NDST4: variants seen among roughly 807,000 people sequenced by gnomAD.
NDST4 encodes the protein N-deacetylase and N-sulfotransferase 4.
A neutral mutation model predicts 100.8 loss-of-function variants in NDST4; 63 were observed. The ratio of observed to expected loss-of-function variants is 0.62; its 90% CI spans 0.51 to 0.77. The LOEUF is 0.77. Ranked by LOEUF, NDST4 falls within the 30% of genes least tolerant of loss-of-function variation. NDST4 has a pLI of 0.00. For synonymous variants in NDST4, 377 were observed against 361.8 expected (o/e 1.04, Z -0.48); for missense variants, 943 against 1,018.4 (o/e 0.93, Z 1.01).
In NDST4 at chr4:114,986,832, A is replaced by ATATATTTT; in HGVS notation, c.979-9559_979-9558insAAAATATA. ...TATATATATATATATATATATATAT[A>ATATATTTT]TTTTAATATACTATTCCTATAAGCT... On this transcript the variant is annotated intron_variant, in intron 2 of 13. Coordinates refer to ENST00000264363, the MANE Select transcript of NDST4 (RefSeq NM_022569.3). Among the ~76,000 whole-genome samples, 134 of 94,628 alleles carry ATATATTTT rather than the reference A, an allele frequency of 1.4e-3. 1 individual carries two copies. The highest frequency in any genetic ancestry group is 3.9e-3 in the South Asian group (9 of 2,336). The allele number at this position is 94,628 out of a possible 152,430, so 62.1% of individuals were successfully genotyped here. A position where few individuals can be genotyped will look rare whatever the true frequency, so the allele number is the denominator to read the frequency against.
rs147782555 is a variant in NDST4, at chr4:115,057,694, G to A, written c.978+18365C>T. 3.1e-4 allele frequency among the ~76,000 whole-genome samples: 46 copies of A among 146,310 alleles called. No individual in the cohort carries two copies. In the East Asian group the frequency reaches 7.6e-3, roughly 24 times the overall value. On this transcript the variant is annotated intron_variant, in intron 2 of 13. Coordinates refer to ENST00000264363, the MANE Select transcript of NDST4 (RefSeq NM_022569.3). ...ATAGAAATTTTCCACTTAGCTATGC[G>A]TGCGCACGCACACACACACACACAC... is the stretch of plus-strand genomic sequence containing the variant.
chr4:115,000,706 G>T (rs1400793285), intron 2 of NDST4, among the ~76,000 whole-genome samples: 1 of 152,032 alleles, frequency 6.6e-6, no homozygotes, highest in African/African-American at 2.4e-5. Flanking sequence ...AAACCTTTCT[G>T]TCCTTCAAGA....
chr4:115,050,012 CCTTT>C (rs1474919468), intron 2 of NDST4, among the ~76,000 whole-genome samples: 9 of 152,036 alleles, frequency 5.9e-5, no homozygotes, highest in African/African-American at 2.2e-4. Flanking sequence ...CAAAACCAGA[CCTTT>C]CTGATTATCA....
At chr4:114,900,393 A>C (rs1410895580) in intron 6 of NDST4, among the ~76,000 whole-genome samples, 1 of 151,730 alleles carries the variant, frequency 6.6e-6, no homozygotes, top group African/African-American at 2.4e-5. Flanking sequence ...TTAAGGTAGA[A>C]GCTTAGATTG....
chr4:114,922,300 A>C (rs1204223722), intron 6 of NDST4, among the ~76,000 whole-genome samples: 5 of 152,152 alleles, frequency 3.3e-5, no homozygotes, highest in Non-Finnish European at 7.3e-5. Context: ...CTCTAGAAAC[A>C]CTTGACTGGT....
chr4:115,106,621 G>GA (rs1220348473), intron 1 of NDST4, among the ~76,000 whole-genome samples: 3 of 151,994 alleles, frequency 2.0e-5, no homozygotes, highest in African/African-American at 4.8e-5. Flanking sequence ...GTAATGACAG[G>GA]AAAAAATGCC....
intron 6 of NDST4, among the ~76,000 whole-genome samples, chr4:114,911,650 ACTT>A (rs2126215062): frequency 6.6e-6 from 1 of 152,298 alleles, no homozygotes; most frequent in South Asian, 2.1e-4. Context: ...TTTCTTAAGT[ACTT>A]GTTACTCTTC....
intron 6 of NDST4, among the ~76,000 whole-genome samples, chr4:114,891,319 C>T (rs761208196): frequency 2.0e-5 from 3 of 152,004 alleles, no homozygotes; most frequent in African/African-American, 4.8e-5. Context: ...AAAGTACTCA[C>T]AACTACCTTC....
In NDST4 at chr4:114,839,398, T is replaced by C; in HGVS notation, c.2266A>G (p.Thr756Ala). 6.2e-7 allele frequency: 1 copy of C among 1,611,742 alleles called. No homozygotes were observed. Among genetic ancestry groups the C allele is most frequent in the African/African-American group, 1.3e-5 (1 of 75,020 alleles). ...WYAVHIERWL[T>A]YFATSQLLII... ...ATTACCTGAGAAGTAGCAAAGTAAG[T>C]TAGCCATCTTTCTATGTGGACTGCA... Residue 756 changes from threonine to alanine, a missense_variant, in exon 11 of 14, where the codon ACT becomes GCT. Physicochemically the swap from Thr to Ala is moderately conservative, Grantham distance 58. Transcript: ENST00000264363.
intron 4 of NDST4, among the ~76,000 whole-genome samples, chr4:114,939,617 T>C (rs1306765512): frequency 6.6e-6 from 1 of 150,616 alleles, no homozygotes; most frequent in Non-Finnish European, 1.5e-5. Flanking sequence ...CAAACAACTA[T>C]ATCTCCTCAG....
chr4:115,083,466 C>A, intron 1 of NDST4, among the ~76,000 whole-genome samples: 1 of 152,038 alleles, frequency 6.6e-6, no homozygotes, highest in African/African-American at 2.4e-5. Context: ...TCTGGAAACA[C>A]ACAAAAACCA....
At chr4:115,093,026 A>C (rs891649332) in intron 1 of NDST4, among the ~76,000 whole-genome samples, 2 of 152,198 alleles carry the variant, frequency 1.3e-5, no homozygotes, top group African/African-American at 2.4e-5. Flanking sequence ...AGAAAGTTCA[A>C]TTCACCAGGG....
At chr4:114,934,536 A>G (rs755317603) in intron 6 of NDST4, among the ~76,000 whole-genome samples, 83 of 151,058 alleles carry the variant, frequency 5.5e-4, no homozygotes, top group South Asian at 1.7e-3. Context: ...CCTGGGCAAC[A>G]GAGCGAGACT....
chr4:114,879,270 C>T (rs1724317984), intron 6 of NDST4, among the ~76,000 whole-genome samples: 1 of 152,110 alleles, frequency 6.6e-6, no homozygotes, highest in Admixed American at 6.6e-5. Flanking sequence ...AAAACTTAAT[C>T]CTAATAAATG....
At chr4:114,854,659 G>A (rs908695848) in intron 7 of NDST4, among the ~76,000 whole-genome samples, 2 of 152,130 alleles carry the variant, frequency 1.3e-5, no homozygotes, top group South Asian at 4.2e-4. Context: ...TAGTAAAGAC[G>A]GGGTTTCACT....
rs557988177 is a variant in NDST4, at chr4:114,890,888, C to T, written c.1537-19938G>A. Among the ~76,000 whole-genome samples, 3 of 151,960 alleles carry T rather than the reference C, an allele frequency of 2.0e-5. No individual in the cohort carries two copies. In the South Asian group the frequency reaches 6.2e-4, roughly 31 times the overall value. ...AAAATTGGCTAAAATTCACTTATGC[C>T]CTGGAGCTGTTATGCAAACTTTCTG... On this transcript the variant is annotated intron_variant, in intron 6 of 13. Coordinates refer to ENST00000264363, the MANE Select transcript of NDST4 (RefSeq NM_022569.3).
intron 6 of NDST4, among the ~76,000 whole-genome samples, chr4:114,921,440 A>T (rs180922304): frequency 3.9e-5 from 6 of 152,198 alleles, no homozygotes; most frequent in Non-Finnish European, 7.4e-5. Flanking sequence ...GCAAGAAACA[A>T]CCAAGCAAAA....
rs147175694 is a variant in NDST4 at position 114,997,457 on chromosome 4, A to G, written c.979-20183T>C. On this transcript the variant is annotated intron_variant, in intron 2 of 13. Coordinates refer to ENST00000264363, the MANE Select transcript of NDST4 (RefSeq NM_022569.3). ...TAAACCCAGCTCTAAGGAGTATGAA[A>G]CTTATCACTGTTTTAATTGGTTGGT... 5.3e-5 allele frequency among the ~76,000 whole-genome samples: 8 copies of G among 152,224 alleles called. No individual in the cohort carries two copies. In the East Asian group the frequency reaches 1.5e-3, roughly 29 times the overall value.
At chr4:114,829,968 G>A (rs1328187349) in intron 12 of NDST4, 76 bp from the exon 13 acceptor site, 27 of 1,013,482 alleles carry the variant, frequency 2.7e-5, no homozygotes, top group Non-Finnish European at 4.0e-5. Context: ...ATTGAATAAA[G>A]GAAATGTATT....
Sources: allele counts gnomAD v4.1 joint callset (sites outside exome capture counted in the v4.1 genomes callset), GRCh38; gene constraint gnomAD v4.1.1; transcripts MANE v1.5; gene names NCBI Gene and HGNC (gene_info 2026-07-23, HGNC 2026-07-21).